The following NPNT variants were observed in gnomAD, a reference collection of about 807,000 sequenced individuals.
NPNT encodes preosteoblast EGF-like repeat protein with MAM domain.
NPNT carries 45 observed loss-of-function variants against 68.6 expected under a neutral mutation model. The observed-to-expected ratio is 0.66, with a 90% confidence interval of 0.52 to 0.84. The LOEUF (loss-of-function observed/expected upper bound fraction) is 0.84. NPNT is among the 40% of genes least tolerant of loss of function. The pLI is 0.00. For missense variants in NPNT, 672 were observed against 714.8 expected (o/e 0.94, Z 0.68); for synonymous variants, 233 against 253.3 (o/e 0.92, Z 0.76).
chr4:105,958,616 A>G lies in NPNT; in HGVS notation c.1246+59A>G, dbSNP rs571262259. Reference sequence around the variant, plus strand: ...CATTTTATTGTTTCTCTCCATGAAAATAACTTTTAAATGTAGATCGTTTGG... The same window carrying G: ...CATTTTATTGTTTCTCTCCATGAAAGTAACTTTTAAATGTAGATCGTTTGG... On this transcript the variant is annotated intron_variant, in intron 9 of 11. Coordinates refer to ENST00000379987, the MANE Select transcript of NPNT (RefSeq NM_001033047.3). The G allele has an allele frequency of 4.1e-6, 4 of 986,994 alleles. No individual in the cohort carries two copies. The East Asian group carries it at 8.0e-5, about 20-fold the overall frequency. The allele number at this position is 986,994 out of a possible 1,614,324, so 61.1% of individuals were successfully genotyped here.
intron 10 of NPNT, among the ~76,000 whole-genome samples, chr4:105,959,523 C>T (rs554653109): frequency 1.2e-3 from 154 of 129,576 alleles, no homozygotes; most frequent in African/African-American, 3.9e-3. Flanking sequence ...TTTTTCTTTT[C>T]TTTTTTTTTT....
At position 105,940,422 on chromosome 4, in the gene NPNT, C is replaced by T. The variant is rs529920683; in HGVS notation, c.641-92C>T. Reference sequence around the variant, plus strand: ...AATATTATGTAGATCATCACATTGCCAAAAAAAATCATTTTTGAAACTGTA... The same window carrying T: ...AATATTATGTAGATCATCACATTGCTAAAAAAAATCATTTTTGAAACTGTA... On this transcript the variant is annotated intron_variant, in intron 6 of 11. Coordinates refer to ENST00000379987, the MANE Select transcript of NPNT (RefSeq NM_001033047.3). The T allele has an allele frequency of 2.3e-5, 31 of 1,322,482 alleles. No homozygotes were observed. In the African/African-American group the frequency reaches 4.4e-4, roughly 19 times the overall value. The allele number at this position is 1,322,482 out of a possible 1,614,324, so 81.9% of individuals were successfully genotyped here. A position where few individuals can be genotyped will look rare whatever the true frequency, so the allele number is the denominator to read the frequency against.
intron 10 of NPNT, among the ~76,000 whole-genome samples, chr4:105,963,016 G>C (rs1731852086): frequency 6.6e-6 from 1 of 152,068 alleles, no homozygotes; most frequent in Non-Finnish European, 1.5e-5. Context: ...CCTGAGGTCA[G>C]GAGTTCAAGA....
At chr4:105,959,809 CTT>C (rs35297511) in intron 10 of NPNT, among the ~76,000 whole-genome samples, 10,247 of 131,254 alleles carry the variant, frequency 0.078, 313 homozygotes, top group African/African-American at 0.11. Context: ...GTAGTTAAAT[CTT>C]TTTTTTTTTT....
At chr4:105,896,001 G>C (rs1725805843) in intron 1 of NPNT, 2 of 463,818 alleles carry the variant, frequency 4.3e-6, no homozygotes, top group African/African-American at 2.1e-5. Flanking sequence ...GAGAGGAGCC[G>C]CTGGAGCCTG....
rs745380935 is a variant in NPNT, at chr4:105,967,424, C to A, written c.1582C>A (p.Arg528=). The change falls in exon 11 of 12, where the codon CGA becomes AGA. Residue 528 remains arginine, a synonymous_variant. Coordinates refer to ENST00000379987, the MANE Select transcript of NPNT (RefSeq NM_001033047.3). ...HGWRQTQITL[R]GADIKSVVFK... is the part of the protein sequence containing the mutation. ...CTGGAGGCAAACACAGATCACCTTG[C>A]GAGGGGCTGACATCAAGAGCGTAAG... 3.1e-6 allele frequency: 5 copies of A among 1,594,530 alleles called. No homozygotes were observed. The East Asian group carries it at 1.1e-4, about 36-fold the overall frequency.
At chr4:105,896,063 G>C in intron 1 of NPNT, 1 of 340,074 alleles carries the variant, frequency 2.9e-6, no homozygotes, top group African/African-American at 2.2e-5. Flanking sequence ...GGTGACGCGC[G>C]AAACATCCCT....
chr4:105,958,578 G>A, intron 9 of NPNT, 21 bp downstream of exon 9: 2 of 1,311,916 alleles, frequency 1.5e-6, no homozygotes, highest in South Asian at 1.3e-5. Context: ...CACTCTTAGT[G>A]CCATCATAAT....
In NPNT at chr4:105,940,225, C is replaced by T; in HGVS notation, c.640+16C>T. The T allele has an allele frequency of 6.2e-7, 1 of 1,610,940 alleles. No homozygotes were observed. Among genetic ancestry groups the T allele is most frequent in the Non-Finnish European group, 8.5e-7 (1 of 1,177,872 alleles). On this transcript the variant is annotated intron_variant, in intron 6 of 11. Coordinates refer to ENST00000379987, the MANE Select transcript of NPNT (RefSeq NM_001033047.3). The stretch of plus-strand genomic sequence containing the variant: ...CAATGTCATGGTAATGAAACCCAAC[C>T]ATTGCTTTGTGTTGTTTCTTCCTAG...
intron 8 of NPNT, among the ~76,000 whole-genome samples, chr4:105,951,464 C>T (rs1730830534): frequency 6.6e-6 from 1 of 152,114 alleles, no homozygotes; most frequent in African/African-American, 2.4e-5. Flanking sequence ...CTAGTTCAGT[C>T]ACATTGTTCT....
At chr4:105,950,465 T>A (rs1028633700) in intron 8 of NPNT, among the ~76,000 whole-genome samples, 6 of 152,172 alleles carry the variant, frequency 3.9e-5, no homozygotes, top group Admixed American at 1.3e-4. Flanking sequence ...TATTTATTTA[T>A]TTTTTGAGAC....
chr4:105,903,935 C>T (rs1008356283), intron 2 of NPNT, among the ~76,000 whole-genome samples: 1 of 151,958 alleles, frequency 6.6e-6, no homozygotes, highest in Non-Finnish European at 1.5e-5. Context: ...CAGGTGTGAG[C>T]GACCACACCT....
chr4:105,968,835 A>T, intron 11 of NPNT, 60 bp from the exon 12 acceptor site: 1 of 970,604 alleles, frequency 1.0e-6, no homozygotes, highest in East Asian at 2.4e-5. Flanking sequence ...TTTTTGCTTA[A>T]TAAGGAGGCA....
chr4:105,970,308 T>G lies in NPNT; in HGVS notation c.*1318T>G. The G allele has an allele frequency of 1.6e-6, 1 of 631,328 alleles. No homozygotes were observed. The highest frequency in any genetic ancestry group is 2.8e-6 in the Non-Finnish European group (1 of 354,454). The allele number at this position is 631,328 out of a possible 1,614,324, so 39.1% of individuals were successfully genotyped here. On this transcript the variant is annotated 3_prime_UTR_variant, in exon 12 of 12. Transcript: ENST00000379987. ...CCAATATATTAAAAAACAATGTAAC[T>G]TTTAAAAGGCATCATTCCTGAGGTT...
chr4:105,928,918 G>A (rs1728898598), intron 3 of NPNT, among the ~76,000 whole-genome samples: 1 of 135,914 alleles, frequency 7.4e-6, no homozygotes, highest in Non-Finnish European at 1.6e-5. Context: ...GTAAACTAAT[G>A]ATTTATAGAC....
Position 105,968,934 on chromosome 4 carries a change from G to A in NPNT, c.1642G>A (p.Glu548Lys), listed in dbSNP as rs779367231. The change falls in exon 12 of 12, where the codon GAG becomes AAG. Residue 548 changes from glutamate (E) to lysine (K), a missense_variant. Physicochemically the swap from Glu to Lys is moderately conservative, Grantham distance 56 (BLOSUM62 1). Transcript: ENST00000379987. ...TGAAAAAAGGCGTGGTCACACTGGG[G>A]AGATTGGATTAGATGATGTGAGCTT... ...KGEKRRGHTG[E>K]IGLDDVSLKK... The A allele has an allele frequency of 3.7e-6, 6 of 1,613,328 alleles. No individual in the cohort carries two copies. Among genetic ancestry groups the A allele is most frequent in the Non-Finnish European group, 4.2e-6 (5 of 1,179,384 alleles).
intron 2 of NPNT, among the ~76,000 whole-genome samples, chr4:105,907,363 G>A (rs1191178751): frequency 1.3e-5 from 2 of 152,192 alleles, no homozygotes; most frequent in Non-Finnish European, 2.9e-5. Context: ...TGAGAGTGCA[G>A]CAATCCAGTA....
chr4:105,938,935 A>G (rs902304691), intron 5 of NPNT, among the ~76,000 whole-genome samples: 1 of 152,224 alleles, frequency 6.6e-6, no homozygotes, highest in African/African-American at 2.4e-5. Flanking sequence ...TATCTTTAAA[A>G]TGGAAATAAT....
intron 2 of NPNT, among the ~76,000 whole-genome samples, chr4:105,906,866 A>C (rs73839085): frequency 6.6e-6 from 1 of 152,162 alleles, no homozygotes; most frequent in Non-Finnish European, 1.5e-5. Flanking sequence ...CCATTTTGCT[A>C]TATACATATT....
Sources: allele counts gnomAD v4.1 joint callset (sites outside exome capture counted in the v4.1 genomes callset), GRCh38; gene constraint gnomAD v4.1.1; transcripts MANE v1.5; gene names NCBI Gene and HGNC (gene_info 2026-07-23, HGNC 2026-07-21).